Variants in NTSR1 observed in about 807,000 individuals in gnomAD.
NTSR1 encodes neurotensin receptor type 1.
Under a neutral mutation model 31.2 loss-of-function variants are expected in NTSR1, and 29 were observed. The observed-to-expected ratio is 0.93, with a 90% CI of 0.69 to 1.27. NTSR1 has a LOEUF of 1.27. Among genes scored for constraint, NTSR1 ranks in the 50% most tolerant of loss-of-function variants. The pLI is 0.00. For missense variants in NTSR1, 697 were observed against 595.4 expected, an observed-to-expected ratio of 1.17 and a Z score of -1.78; for synonymous variants, 282 against 269.9, an observed-to-expected ratio of 1.04 and a Z score of -0.44.
Position 62,709,598 on chromosome 20 carries a change from C to T in NTSR1, c.391C>T (p.His131Tyr), listed in dbSNP as rs1037962682. ...GGAGCTGTACAACTTCATCTGGGTG[C>T]ACCACCCCTGGGCCTTCGGCGACGC... ...PVELYNFIWV[H>Y]HPWAFGDAGC... The change falls in exon 1 of 4, where the codon CAC (histidine) becomes TAC (tyrosine). Residue 131 changes from histidine (H) to tyrosine (Y), a missense_variant. His to Tyr is a moderately conservative substitution (Grantham distance 83, BLOSUM62 2). Coordinates refer to ENST00000370501, the MANE Select transcript of NTSR1 (RefSeq NM_002531.3). 5.0e-6 allele frequency: 8 copies of T among 1,611,470 alleles called. No individual in the cohort carries two copies. The highest frequency in any genetic ancestry group is 1.7e-5 in the Admixed American group (1 of 60,014).
chr20:62,736,829 G>A (rs934385297), intron 1 of NTSR1, among the ~76,000 whole-genome samples: 1 of 152,250 alleles, frequency 6.6e-6, no homozygotes, highest in Non-Finnish European at 1.5e-5. Flanking sequence ...CCGTGTCAAG[G>A]GCAGGACCAG....
At position 62,760,099 on chromosome 20, in the gene NTSR1, G is replaced by A. The variant is rs762257928; in HGVS notation, c.1089G>A (p.Leu363=). The stretch of plus-strand genomic sequence containing the variant: ...TCAGCTCCACCATCAACCCCATCCT[G>A]TACAACCTCGTCTCTGCCAACTTCC... ...FYVSSTINPI[L]YNLVSANFRH... Residue 363 remains leucine, a synonymous_variant, in exon 4 of 4, where the codon CTG becomes CTA. Coordinates refer to ENST00000370501, the MANE Select transcript of NTSR1 (RefSeq NM_002531.3). 6.2e-7 allele frequency: 1 copy of A among 1,614,098 alleles called. No homozygotes were observed. The highest frequency in any genetic ancestry group is 1.1e-5 in the South Asian group (1 of 91,086).
Position 62,709,469 on chromosome 20 carries a change from C to CTG in NTSR1, c.263_264dup (p.Ala89TrpfsTer75), listed in dbSNP as rs774900503. The CTG allele has an allele frequency of 6.4e-5, 103 of 1,612,518 alleles. No homozygotes were observed. The highest frequency in any genetic ancestry group is 2.7e-5 in the Non-Finnish European group (32 of 1,179,842). Reference sequence around the variant, plus strand: ...GGGCAACACGGTGACGGCGTTCACGCTGGCGCGGAAGAAGTCGCTGCAGAG... The same window carrying CTG: ...GGGCAACACGGTGACGGCGTTCACGCTGTGGCGCGGAAGAAGTCGCTGCAGAG... On this transcript the variant is annotated frameshift_variant, in exon 1 of 4. Transcript: ENST00000370501. LOFTEE classifies it high-confidence loss of function.
intron 1 of NTSR1, among the ~76,000 whole-genome samples, chr20:62,750,485 T>TC (rs1691616551): frequency 6.6e-6 from 1 of 151,910 alleles, no homozygotes; most frequent in Non-Finnish European, 1.5e-5. Context: ...GGTCAGGAGA[T>TC]CGAGACCATC....
chr20:62,718,587 A>C (rs1988777164), intron 1 of NTSR1, among the ~76,000 whole-genome samples: 1 of 22,864 alleles, frequency 4.4e-5, no homozygotes, highest in Non-Finnish European at 8.0e-5. Flanking sequence ...CTCCTCCCCC[A>C]CAGCTTTGCC....
chr20:62,720,275 A>G (rs1988809063), intron 1 of NTSR1, among the ~76,000 whole-genome samples: 1 of 152,220 alleles, frequency 6.6e-6, no homozygotes, highest in African/African-American at 2.4e-5. Flanking sequence ...ACACCAGCCT[A>G]GGTGACAGAG....
chr20:62,709,377 A>T lies in NTSR1; in HGVS notation c.170A>T (p.Asn57Ile). The change falls in exon 1 of 4, where the codon AAC (asparagine) becomes ATC (isoleucine). Residue 57 changes from asparagine (N) to isoleucine (I), a missense_variant. Transcript: ENST00000370501. Reference protein sequence around the residue: ...LAAPSSELDVNTDIYSKVLVT... With the variant: ...LAAPSSELDVITDIYSKVLVT... ...GCACCCAGCAGCGAGCTGGACGTGA[A>T]CACCGACATCTACTCCAAGGTGCTG... The T allele has an allele frequency of 6.2e-7, 1 of 1,608,290 alleles. No individual in the cohort carries two copies. The highest frequency in any genetic ancestry group is 8.5e-7 in the Non-Finnish European group (1 of 1,176,976).
At position 62,761,587 on chromosome 20, in the gene NTSR1, AG is replaced by A. The variant is rs1989623660; in HGVS notation, c.*1321del. ...GGAGCTGGGAGCCACAGGAAGCAAA[AG>A]TCAGCCTTTTCTTCAAGGGATTTCC... is the stretch of plus-strand genomic sequence containing the variant. On this transcript the variant is annotated 3_prime_UTR_variant, in exon 4 of 4. Coordinates refer to ENST00000370501, the MANE Select transcript of NTSR1 (RefSeq NM_002531.3). 1 of 152,228 alleles carries A rather than the reference AG, an allele frequency of 6.6e-6. No individual in the cohort carries two copies. The allele number at this position is 152,228 out of a possible 1,614,324, so 9.4% of individuals were successfully genotyped here. A position where few individuals can be genotyped will look rare whatever the true frequency, so the allele number is the denominator to read the frequency against.
intron 1 of NTSR1, among the ~76,000 whole-genome samples, chr20:62,734,806 A>G (rs1320651343): frequency 3.3e-5 from 5 of 152,272 alleles, no homozygotes; most frequent in Non-Finnish European, 2.9e-5. Context: ...GAATACATTA[A>G]GTTAAATAAG....
chr20:62,713,997 G>A lies in NTSR1; in HGVS notation c.714+4076G>A, dbSNP rs12625000. On this transcript the variant is annotated intron_variant, in intron 1 of 3. Transcript: ENST00000370501. Reference sequence around the variant, plus strand: ...TGCCTGTAATCCCAGCTACTTGGGAGGCTGAGGCAGGAGAATCGCTTGAGC... The same window carrying A: ...TGCCTGTAATCCCAGCTACTTGGGAAGCTGAGGCAGGAGAATCGCTTGAGC... 9.6e-3 allele frequency among the ~76,000 whole-genome samples: 1,461 copies of A among 152,336 alleles called. 19 individuals carry two copies. The highest frequency in any genetic ancestry group is 0.038 in the East Asian group (198 of 5,182).
Position 62,742,901 on chromosome 20 carries a change from G to A in NTSR1, c.715-11784G>A, listed in dbSNP as rs1989229423. ...GTCACAGTGGCTCTGGTGTGGCCGT[G>A]GGGTTCCTGTTCATCCCAGGGCACC... is the stretch of plus-strand genomic sequence containing the variant. On this transcript the variant is annotated intron_variant, in intron 1 of 3. Coordinates refer to ENST00000370501, the MANE Select transcript of NTSR1 (RefSeq NM_002531.3). The surrounding 1 kb of genome is among the most constrained non-coding windows in gnomAD (Gnocchi z 7.1). Among the ~76,000 whole-genome samples the A allele has an allele frequency of 2.0e-5, 3 of 149,614 alleles. No individual in the cohort carries two copies. The highest frequency in any genetic ancestry group is 4.4e-5 in the Non-Finnish European group (3 of 68,018).
At chr20:62,729,481 G>A (rs1333587139) in intron 1 of NTSR1, among the ~76,000 whole-genome samples, 2 of 152,176 alleles carry the variant, frequency 1.3e-5, no homozygotes. Context: ...GGAAACACAG[G>A]TGACACAGGT....
At chr20:62,759,634 C>T (rs984605439) in intron 3 of NTSR1, among the ~76,000 whole-genome samples, 2 of 151,932 alleles carry the variant, frequency 1.3e-5, no homozygotes, top group African/African-American at 4.8e-5. Context: ...ATTAGCCGGG[C>T]GTGGTGGGGG....
intron 1 of NTSR1, among the ~76,000 whole-genome samples, chr20:62,753,242 C>T (rs1309473051): frequency 6.6e-6 from 1 of 152,184 alleles, no homozygotes; most frequent in African/African-American, 2.4e-5. Flanking sequence ...CCAGAGGGGG[C>T]CAGGGAGAAA....
In NTSR1 at chr20:62,711,736, C is replaced by A. The variant is rs118042185; in HGVS notation, c.714+1815C>A. On this transcript the variant is annotated intron_variant, in intron 1 of 3. Transcript: ENST00000370501. This position sits in a 1 kb window ranked among gnomAD's most constrained non-coding sequence, Gnocchi z 6.4. ...CTCCGCCCCCCGGAAAGTGTCCTCC[C>A]CGCGTGCGTGGGCTCTCTGCCAGGT... Among the ~76,000 whole-genome samples the A allele has an allele frequency of 6.6e-6, 1 of 152,194 alleles. No homozygotes were observed. The highest frequency in any genetic ancestry group is 2.4e-5 in the African/African-American group (1 of 41,452).
rs994364840 is a variant in NTSR1, at chr20:62,758,338, C to G, written c.989C>G (p.Ser330Trp). 2 of 1,613,544 alleles carry G rather than the reference C, an allele frequency of 1.2e-6. No homozygotes were observed. Among genetic ancestry groups the G allele is most frequent in the South Asian group, 2.2e-5 (2 of 91,066 alleles). The change falls in exon 3 of 4, where the codon TCG becomes TGG. Residue 330 changes from serine (S) to tryptophan (W), a missense_variant. Ser to Trp is a radical substitution (Grantham distance 177, BLOSUM62 -3). Coordinates refer to ENST00000370501, the MANE Select transcript of NTSR1 (RefSeq NM_002531.3). The surrounding 1 kb of genome is among the most constrained non-coding windows in gnomAD (Gnocchi z 4.5). ...CGGCGCCTCATGTTCTGCTACATCT[C>G]GGATGAGCAGTGGACTCCGTGAGTA... ...HVRRLMFCYISDEQWTPFLYD... is the reference protein window; with the variant it reads ...HVRRLMFCYIWDEQWTPFLYD...
At chr20:62,722,702 C>T (rs1281337455) in intron 1 of NTSR1, among the ~76,000 whole-genome samples, 1 of 152,224 alleles carries the variant, frequency 6.6e-6, no homozygotes, top group African/African-American at 2.4e-5. Flanking sequence ...ATGATGGGCT[C>T]ACCTTGTGAG....
chr20:62,709,383 A>G lies in NTSR1; in HGVS notation c.176A>G (p.Asp59Gly). 1.2e-6 allele frequency: 2 copies of G among 1,608,876 alleles called. No homozygotes were observed. The highest frequency in any genetic ancestry group is 1.3e-5 in the African/African-American group (1 of 74,984). ...AGCAGCGAGCTGGACGTGAACACCGACATCTACTCCAAGGTGCTGGTGACC... is the reference window on the plus strand; with the variant it reads ...AGCAGCGAGCTGGACGTGAACACCGGCATCTACTCCAAGGTGCTGGTGACC... Reference protein sequence around the residue: ...APSSELDVNTDIYSKVLVTAV... With the variant: ...APSSELDVNTGIYSKVLVTAV... The change falls in exon 1 of 4, where the codon GAC becomes GGC. Residue 59 changes from aspartate (D) to glycine (G), a missense_variant. Asp to Gly is a moderately conservative substitution (Grantham distance 94, BLOSUM62 -1). Coordinates refer to ENST00000370501, the MANE Select transcript of NTSR1 (RefSeq NM_002531.3).
Position 62,715,174 on chromosome 20 carries a change from G to T in NTSR1, c.714+5253G>T, listed in dbSNP as rs1988690797. ...CTATATGTTGGAAATAAAGAATTTG[G>T]CGTATGAAATCACCGTTCAGATGGT... On this transcript the variant is annotated intron_variant, in intron 1 of 3. Transcript: ENST00000370501. This position sits in a 1 kb window ranked among gnomAD's most constrained non-coding sequence, Gnocchi z 4.7. Among the ~76,000 whole-genome samples, 1 of 152,170 alleles carries T rather than the reference G, an allele frequency of 6.6e-6. No individual in the cohort carries two copies.
Sources: allele counts gnomAD v4.1 joint callset (sites outside exome capture counted in the v4.1 genomes callset), GRCh38; gene constraint gnomAD v4.1.1; non-coding constraint Gnocchi (gnomAD v3.1); transcripts MANE v1.5; gene names NCBI Gene and HGNC (gene_info 2026-07-23, HGNC 2026-07-21).